LEPROT: variants seen among roughly 807,000 people sequenced by gnomAD.
The protein encoded by LEPROT is leptin receptor overlapping transcript, also known as leptin receptor gene-related protein.
LEPROT carries 3 observed loss-of-function variants against 15.4 expected under a neutral mutation model. The observed-to-expected ratio is 0.19, with a 90% confidence interval of 0.09 to 0.50. LEPROT has a LOEUF of 0.50. LEPROT is among the 20% of genes least tolerant of loss of function. LEPROT has a pLI of 0.97. For missense variants in LEPROT, 137 were observed against 162.2 expected, an observed-to-expected ratio of 0.84 and a Z score of 0.84; for synonymous variants, 59 against 57.5, an observed-to-expected ratio of 1.03 and a Z score of -0.12.
At chr1:65,421,564 T>G in intron 1 of LEPROT, 2 of 1,303,490 alleles carry the variant, frequency 1.5e-6, no homozygotes, top group Non-Finnish European at 2.1e-6. Flanking sequence ...ATATCCCCAG[T>G]TAACATCTGC....
rs1646538578 is a variant in LEPROT at position 65,434,981 on chromosome 1, G to C, written c.*3062G>C. Reference sequence around the variant, plus strand: ...TTTTGACACCTGCATTGGGCCGACTGCCATTCCCATGACTGCTGCACCTGC... The same window carrying C: ...TTTTGACACCTGCATTGGGCCGACTCCCATTCCCATGACTGCTGCACCTGC... On this transcript the variant is annotated 3_prime_UTR_variant, in exon 4 of 4. Transcript: ENST00000371065. The C allele has an allele frequency of 1.0e-6, 1 of 985,348 alleles. No individual in the cohort carries two copies. Among genetic ancestry groups the C allele is most frequent in the South Asian group, 4.7e-5 (1 of 21,288 alleles). 61.0% of individuals were successfully genotyped at this position (985,348 alleles called of 1,614,324 possible).
intron 2 of LEPROT, among the ~76,000 whole-genome samples, chr1:65,428,385 C>T (rs1043018238): frequency 1.6e-4 from 25 of 152,276 alleles, no homozygotes; most frequent in Admixed American, 2.6e-4. Context: ...CAAACCCCTT[C>T]CCCTCTCTGT....
chr1:65,425,480 A>G, intron 2 of LEPROT, 102 bp downstream of exon 2: 2 of 917,668 alleles, frequency 2.2e-6, no homozygotes, highest in Admixed American at 3.1e-5. Context: ...AGTTCTAACC[A>G]GTGAGTTAGT....
intron 1 of LEPROT, among the ~76,000 whole-genome samples, chr1:65,422,639 G>A (rs1646273725): frequency 6.6e-6 from 1 of 152,254 alleles, no homozygotes; most frequent in African/African-American, 2.4e-5. Flanking sequence ...CCTTGGCAAG[G>A]CATGGAGTGA....
intron 2 of LEPROT, among the ~76,000 whole-genome samples, chr1:65,429,599 T>C (rs1358697905): frequency 1.3e-5 from 2 of 152,140 alleles, no homozygotes; most frequent in Non-Finnish European, 2.9e-5. Flanking sequence ...TGTGGCTCAG[T>C]GGTACAGAAA....
At position 65,433,923 on chromosome 1, in the gene LEPROT, A is replaced by G. The variant is rs2100242395; in HGVS notation, c.*2004A>G. ...GAGCAATAATCTGTCCTAACAGAACAGTAGCAATAAGTTTTAGGATACCAT... is the reference window on the plus strand; with the variant it reads ...GAGCAATAATCTGTCCTAACAGAACGGTAGCAATAAGTTTTAGGATACCAT... On this transcript the variant is annotated 3_prime_UTR_variant, in exon 4 of 4. Coordinates refer to ENST00000371065, the MANE Select transcript of LEPROT (RefSeq NM_017526.5). 1 of 985,214 alleles carries G rather than the reference A, an allele frequency of 1.0e-6. No individual in the cohort carries two copies. Among genetic ancestry groups the G allele is most frequent in the East Asian group, 1.1e-4 (1 of 8,816 alleles). The allele number at this position is 985,214 out of a possible 1,614,324, so 61.0% of individuals were successfully genotyped here. A position where few individuals can be genotyped will look rare whatever the true frequency, so the allele number is the denominator to read the frequency against.
Position 65,434,098 on chromosome 1 carries a change from C to T in LEPROT, c.*2179C>T, listed in dbSNP as rs2100243376. 1.0e-6 allele frequency: 1 copy of T among 984,878 alleles called. No individual in the cohort carries two copies. Among genetic ancestry groups the T allele is most frequent in the African/African-American group, 1.7e-5 (1 of 57,318 alleles). The allele number at this position is 984,878 out of a possible 1,614,324, so 61.0% of individuals were successfully genotyped here. Reference sequence around the variant, plus strand: ...CATATGTAGCCTTAAAGCATTACCTCTTGATTGTATCTTTAGATTGATATA... The same window carrying T: ...CATATGTAGCCTTAAAGCATTACCTTTTGATTGTATCTTTAGATTGATATA... On this transcript the variant is annotated 3_prime_UTR_variant, in exon 4 of 4. Coordinates refer to ENST00000371065, the MANE Select transcript of LEPROT (RefSeq NM_017526.5).
chr1:65,432,438 C>A lies in LEPROT; in HGVS notation c.*519C>A. 2 of 680,890 alleles carry A rather than the reference C, an allele frequency of 2.9e-6. No individual in the cohort carries two copies. The highest frequency in any genetic ancestry group is 6.6e-5 in the South Asian group (1 of 15,182). 42.2% of individuals were successfully genotyped at this position (680,890 alleles called of 1,614,324 possible). On this transcript the variant is annotated 3_prime_UTR_variant, in exon 4 of 4. Coordinates refer to ENST00000371065, the MANE Select transcript of LEPROT (RefSeq NM_017526.5). ...GGACCCAGGACATTTTGATGAGATC[C>A]AAAGGAGTTGTATGCACATGAAAGT... is the stretch of plus-strand genomic sequence containing the variant.
Position 65,431,867 on chromosome 1 carries a change from G to A in LEPROT, c.344G>A (p.Gly115Glu). The change falls in exon 4 of 4, where the codon GGG (glycine) becomes GAG (glutamate). Residue 115 changes from glycine (G) to glutamate (E), a missense_variant. Physicochemically the swap from Gly to Glu is moderately conservative, Grantham distance 98. Coordinates refer to ENST00000371065, the MANE Select transcript of LEPROT (RefSeq NM_017526.5). ...GNAVIFLTIQGFFLIFGRGDD... is the reference protein window; with the variant it reads ...GNAVIFLTIQEFFLIFGRGDD... The stretch of plus-strand genomic sequence containing the variant: ...GCAGTCATTTTCCTTACAATTCAAG[G>A]GTTTTTCCTTATATTTGGAAGAGGA... 1 of 1,614,064 alleles carries A rather than the reference G, an allele frequency of 6.2e-7. No individual in the cohort carries two copies. The highest frequency in any genetic ancestry group is 8.5e-7 in the Non-Finnish European group (1 of 1,179,970).
At position 65,435,931 on chromosome 1, in the gene LEPROT, A is replaced by G. The variant is rs946212018; in HGVS notation, c.*4012A>G. On this transcript the variant is annotated 3_prime_UTR_variant, in exon 4 of 4. Coordinates refer to ENST00000371065, the MANE Select transcript of LEPROT (RefSeq NM_017526.5). ...CAAATAGCCATGCTACCAGCGTACAACAGTGATACATGTAACCCCAAATGT... is the reference window on the plus strand; with the variant it reads ...CAAATAGCCATGCTACCAGCGTACAGCAGTGATACATGTAACCCCAAATGT... 10 of 985,274 alleles carry G rather than the reference A, an allele frequency of 1.0e-5. No homozygotes were observed. Among genetic ancestry groups the G allele is most frequent in the Non-Finnish European group, 1.2e-5 (10 of 829,768 alleles). 61.0% of individuals were successfully genotyped at this position (985,274 alleles called of 1,614,324 possible).
At chr1:65,421,499 G>A (rs1397714960) in intron 1 of LEPROT, 2 of 1,535,248 alleles carry the variant, frequency 1.3e-6, no homozygotes, top group African/African-American at 1.4e-5. Flanking sequence ...GAATAGAGTA[G>A]CATGACTTGT....
chr1:65,424,416 G>A (rs1431374588), intron 1 of LEPROT, among the ~76,000 whole-genome samples: 2 of 152,164 alleles, frequency 1.3e-5, no homozygotes, highest in African/African-American at 4.8e-5. Flanking sequence ...ACTTGCCTTG[G>A]GAGGTAGTGA....
Position 65,433,303 on chromosome 1 carries a change from G to A in LEPROT, c.*1384G>A. On this transcript the variant is annotated 3_prime_UTR_variant, in exon 4 of 4. Coordinates refer to ENST00000371065, the MANE Select transcript of LEPROT (RefSeq NM_017526.5). ...AATTTCACTACGTGTTGATGTACTT[G>A]TCTTCCGTCCTGTAGGTCTTTTCTA... is the stretch of plus-strand genomic sequence containing the variant. The A allele has an allele frequency of 1.0e-6, 1 of 985,342 alleles. No individual in the cohort carries two copies. The highest frequency in any genetic ancestry group is 4.7e-5 in the South Asian group (1 of 21,276). The allele number at this position is 985,342 out of a possible 1,614,324, so 61.0% of individuals were successfully genotyped here.
chr1:65,429,999 T>C lies in LEPROT; in HGVS notation c.230T>C (p.Ile77Thr), dbSNP rs1646455417. 5.1e-6 allele frequency: 8 copies of C among 1,573,636 alleles called. No individual in the cohort carries two copies. In the South Asian group the frequency reaches 9.1e-5, roughly 18 times the overall value. Residue 77 changes from isoleucine (I) to threonine (T), a missense_variant, in exon 3 of 4, where the codon ATT (isoleucine) becomes ACT (threonine). By Grantham distance (89) the Ile-to-Thr change is moderately conservative (BLOSUM62 -1). Transcript: ENST00000371065. ...RELAYFFTTG[I>T]VVSAFGFPVI... Reference sequence around the variant, plus strand: ...CTGGCATATTTCTTCACTACTGGAATTGTTGTTTCTGCCTTTGGATTTCCT... The same window carrying C: ...CTGGCATATTTCTTCACTACTGGAACTGTTGTTTCTGCCTTTGGATTTCCT...
At chr1:65,422,945 G>T (rs750904650) in intron 1 of LEPROT, among the ~76,000 whole-genome samples, 2 of 152,154 alleles carry the variant, frequency 1.3e-5, no homozygotes, top group African/African-American at 2.4e-5. Flanking sequence ...CACAGAGGCA[G>T]GAATAAGAGG....
Position 65,429,974 on chromosome 1 carries a change from C to A in LEPROT, c.205C>A (p.Leu69Met). 1.3e-6 allele frequency: 2 copies of A among 1,580,320 alleles called. No individual in the cohort carries two copies. Among genetic ancestry groups the A allele is most frequent in the Non-Finnish European group, 1.7e-6 (2 of 1,154,160 alleles). ...SDATSSACRE[L>M]AYFFTTGIVV... ...TGCAACCAGTAGTGCCTGTCGGGAA[C>A]TGGCATATTTCTTCACTACTGGAAT... is the stretch of plus-strand genomic sequence containing the variant. Residue 69 changes from leucine to methionine, a missense_variant, in exon 3 of 4, where the codon CTG becomes ATG. Leu to Met is a conservative substitution (Grantham distance 15). Transcript: ENST00000371065.
At position 65,433,526 on chromosome 1, in the gene LEPROT, A is replaced by G. The variant is rs989136748; in HGVS notation, c.*1607A>G. ...TATGAAACTGAAATACATTCAAAAC[A>G]CTTAATCCTTGAGGCTTGTGATCTG... is the stretch of plus-strand genomic sequence containing the variant. On this transcript the variant is annotated 3_prime_UTR_variant, in exon 4 of 4. Coordinates refer to ENST00000371065, the MANE Select transcript of LEPROT (RefSeq NM_017526.5). 3 of 985,304 alleles carry G rather than the reference A, an allele frequency of 3.0e-6. No individual in the cohort carries two copies. Among genetic ancestry groups the G allele is most frequent in the African/African-American group, 3.5e-5 (2 of 57,230 alleles). The allele number at this position is 985,304 out of a possible 1,614,324, so 61.0% of individuals were successfully genotyped here. A position where few individuals can be genotyped will look rare whatever the true frequency, so the allele number is the denominator to read the frequency against.
intron 2 of LEPROT, among the ~76,000 whole-genome samples, chr1:65,425,757 A>G (rs777725319): frequency 5.3e-5 from 8 of 152,188 alleles, no homozygotes; most frequent in East Asian, 1.9e-4. Flanking sequence ...GATAAAGTGC[A>G]CCTGAGTTTC....
At position 65,420,803 on chromosome 1, in the gene LEPROT, C is replaced by A. The variant is rs150977016; in HGVS notation, c.16+63C>A. ...GGTTGCCACCTCCGTTCCGGTCAAG[C>A]CTGGGGCTGCGCCTTCCGCGCGCCG... On this transcript the variant is annotated intron_variant, in intron 1 of 3. Coordinates refer to ENST00000371065, the MANE Select transcript of LEPROT (RefSeq NM_017526.5). 3,188 of 1,542,704 alleles carry A rather than the reference C, an allele frequency of 2.1e-3. 55 individuals are homozygous for A. The African/African-American group carries it at 0.039, about 19-fold the overall frequency.
Sources: allele counts gnomAD v4.1 joint callset (sites outside exome capture counted in the v4.1 genomes callset), GRCh38; gene constraint gnomAD v4.1.1; transcripts MANE v1.5; gene names NCBI Gene and HGNC (gene_info 2026-07-23, HGNC 2026-07-21).